Variants in GALNT18 observed in about 807,000 individuals in gnomAD.
GALNT18 encodes polypeptide N-acetylgalactosaminyltransferase 18, also known as GalNAc-transferase 18.
In GALNT18, 44 loss-of-function variants were observed where a neutral mutation model predicts 69.5. That is an observed-to-expected ratio of 0.63 (90% CI 0.50 to 0.81). The LOEUF is 0.81. Among genes scored for constraint, GALNT18 ranks in the 40% least tolerant of loss-of-function variants. The pLI, the probability that GALNT18 is intolerant of heterozygous loss-of-function variation, is 0.00. For synonymous variants in GALNT18, 364 were observed against 318.2 expected, an observed-to-expected ratio of 1.14 and a Z score of -1.53; for missense variants, 715 against 810.0, an observed-to-expected ratio of 0.88 and a Z score of 1.42.
rs778799861 is a variant in GALNT18, at chr11:11,562,858, G to T, written c.235+58501C>A. Among the ~76,000 whole-genome samples the T allele has an allele frequency of 6.6e-6, 1 of 152,032 alleles. No homozygotes were observed. Among genetic ancestry groups the T allele is most frequent in the Non-Finnish European group, 1.5e-5 (1 of 68,006 alleles). ...AAGTGGCAAAAAAGACTTGAACTGGGGTCTGCCTAGCTCGAGGCCTGGGCT... is the reference window on the plus strand; with the variant it reads ...AAGTGGCAAAAAAGACTTGAACTGGTGTCTGCCTAGCTCGAGGCCTGGGCT... On this transcript the variant is annotated intron_variant, in intron 1 of 10. Coordinates refer to ENST00000227756, the MANE Select transcript of GALNT18 (RefSeq NM_198516.3). This position sits in a 1 kb window ranked among gnomAD's most constrained non-coding sequence, Gnocchi z 4.1.
intron 3 of GALNT18, among the ~76,000 whole-genome samples, chr11:11,386,075 C>A (rs1423139925): frequency 1.3e-4 from 20 of 152,164 alleles, no homozygotes; most frequent in African/African-American, 4.3e-4. Flanking sequence ...GTCCTGCTGG[C>A]ACCTTGATTT....
At chr11:11,375,458 G>A (rs1044980740) in intron 5 of GALNT18, among the ~76,000 whole-genome samples, 7 of 152,202 alleles carry the variant, frequency 4.6e-5, no homozygotes, top group Non-Finnish European at 5.9e-5. Flanking sequence ...TCTTCTGCAG[G>A]AATGCTCATT....
rs564805687 is a variant in GALNT18 at position 11,537,879 on chromosome 11, A to G, written c.235+83480T>C. 1.4e-4 allele frequency among the ~76,000 whole-genome samples: 21 copies of G among 152,336 alleles called. No homozygotes were observed. The South Asian group carries it at 3.9e-3, about 29-fold the overall frequency. On this transcript the variant is annotated intron_variant, in intron 1 of 10. Transcript: ENST00000227756. The stretch of plus-strand genomic sequence containing the variant: ...TCTGATGGCTCTATTTGCTGTGAGA[A>G]TCTGTGCACTGTGCATCCTTGGGAA...
In GALNT18 at chr11:11,332,958, C is replaced by G; in HGVS notation, c.1279-127G>C. On this transcript the variant is annotated intron_variant, in intron 7 of 10. Transcript: ENST00000227756. The surrounding 1 kb of genome is among the most constrained non-coding windows in gnomAD (Gnocchi z 4.3). ...AGACTGGGGAAGGGACCATGTGGCA[C>G]GTTAACTCTTGCATTTTCCCACGGG... The G allele has an allele frequency of 1.0e-6, 1 of 995,124 alleles. No individual in the cohort carries two copies. Among genetic ancestry groups the G allele is most frequent in the Non-Finnish European group, 1.5e-6 (1 of 665,508 alleles). The allele number at this position is 995,124 out of a possible 1,614,324, so 61.6% of individuals were successfully genotyped here.
At chr11:11,503,521 C>T (rs1328858521) in intron 1 of GALNT18, among the ~76,000 whole-genome samples, 1 of 152,210 alleles carries the variant, frequency 6.6e-6, no homozygotes, top group African/African-American at 2.4e-5. Context: ...TCCATCCCAT[C>T]ATTTCACAAA....
At chr11:11,293,533 C>CTTTTTTTTTTTTTTTTTTTTT (rs34166465) in intron 9 of GALNT18, among the ~76,000 whole-genome samples, 1 of 80,214 alleles carries the variant, frequency 1.2e-5, no homozygotes, top group African/African-American at 5.0e-5. Flanking sequence ...ACAAACCCCT[C>CTTTTTTTTTTTTTTTTTTTTT]TTTTTTTTTT....
chr11:11,525,900 C>G (rs1457160497), intron 1 of GALNT18, among the ~76,000 whole-genome samples: 1 of 152,084 alleles, frequency 6.6e-6, no homozygotes, highest in Non-Finnish European at 1.5e-5. Flanking sequence ...TCCTAAAGTG[C>G]TGGGATTACA....
intron 9 of GALNT18, among the ~76,000 whole-genome samples, chr11:11,311,439 A>G (rs1381544697): frequency 6.6e-6 from 1 of 152,128 alleles, no homozygotes; most frequent in African/African-American, 2.4e-5. Context: ...ACCATTTTGA[A>G]TGGGGGAATG....
intron 10 of GALNT18, among the ~76,000 whole-genome samples, chr11:11,283,750 CA>C (rs1849135372): frequency 6.6e-6 from 1 of 152,036 alleles, no homozygotes; most frequent in Non-Finnish European, 1.5e-5. Context: ...TGGAAACACA[CA>C]ATACTTTTAA....
At chr11:11,294,174 G>C (rs551441694) in intron 9 of GALNT18, among the ~76,000 whole-genome samples, 1 of 152,308 alleles carries the variant, frequency 6.6e-6, no homozygotes, top group East Asian at 1.9e-4. Flanking sequence ...GACAAATCCT[G>C]GGGAAACCAG....
At chr11:11,399,780 C>G (rs1854418947) in intron 3 of GALNT18, among the ~76,000 whole-genome samples, 1 of 152,152 alleles carries the variant, frequency 6.6e-6, no homozygotes, top group South Asian at 2.1e-4. Context: ...AGAGTTAATG[C>G]AGGTAAAGCT....
At chr11:11,445,615 G>A (rs1855629860) in intron 2 of GALNT18, among the ~76,000 whole-genome samples, 1 of 152,208 alleles carries the variant, frequency 6.6e-6, no homozygotes, top group Non-Finnish European at 1.5e-5. Context: ...GCGTGCGTCT[G>A]GCACGTGAGC....
At chr11:11,385,295 C>CA (rs143360851) in intron 3 of GALNT18, among the ~76,000 whole-genome samples, 7 of 121,312 alleles carry the variant, frequency 5.8e-5, no homozygotes, top group Admixed American at 5.2e-4. Context: ...TATTGGGGAT[C>CA]AAATTTTTTT....
At position 11,318,099 on chromosome 11, in the gene GALNT18, G is replaced by T. The variant is rs1410803818; in HGVS notation, c.1512+8987C>A. Among the ~76,000 whole-genome samples the T allele has an allele frequency of 5.3e-5, 8 of 152,196 alleles. No homozygotes were observed. In the East Asian group the frequency reaches 1.5e-3, roughly 29 times the overall value. On this transcript the variant is annotated intron_variant, in intron 9 of 10. Coordinates refer to ENST00000227756, the MANE Select transcript of GALNT18 (RefSeq NM_198516.3). The surrounding 1 kb of genome is among the most constrained non-coding windows in gnomAD (Gnocchi z 5.1). Reference sequence around the variant, plus strand: ...TTGCTACCCCTCTGAGTCAGGCAGGGCCATGTTACCATGTCTGGCCAGTGA... The same window carrying T: ...TTGCTACCCCTCTGAGTCAGGCAGGTCCATGTTACCATGTCTGGCCAGTGA...
intron 10 of GALNT18, among the ~76,000 whole-genome samples, chr11:11,286,022 G>T (rs796252039): frequency 6.6e-6 from 1 of 152,032 alleles, no homozygotes; most frequent in East Asian, 1.9e-4. Flanking sequence ...GTGGCTATCC[G>T]CAACGTTCCC....
At chr11:11,419,289 A>G (rs1382476970) in intron 3 of GALNT18, among the ~76,000 whole-genome samples, 3 of 152,010 alleles carry the variant, frequency 2.0e-5, no homozygotes, top group African/African-American at 4.8e-5. Context: ...TTCTGTTTCA[A>G]TCCTTTATTA....
intron 3 of GALNT18, among the ~76,000 whole-genome samples, chr11:11,426,819 G>A (rs1855143860): frequency 1.3e-5 from 2 of 152,200 alleles, no homozygotes; most frequent in Admixed American, 6.5e-5. Context: ...AAAGGAGCAA[G>A]CTGTGCAGAT....
chr11:11,395,240 C>T (rs776365842), intron 3 of GALNT18, among the ~76,000 whole-genome samples: 3 of 152,110 alleles, frequency 2.0e-5, no homozygotes, highest in Non-Finnish European at 2.9e-5. Context: ...TGCTGCTGGC[C>T]CAAGAGAGCC....
chr11:11,390,922 T>A (rs1281837233), intron 3 of GALNT18, among the ~76,000 whole-genome samples: 1 of 152,262 alleles, frequency 6.6e-6, no homozygotes, highest in African/African-American at 2.4e-5. Flanking sequence ...CTCAGTTCTC[T>A]CTTCTACCTA....
Sources: allele counts gnomAD v4.1 joint callset (sites outside exome capture counted in the v4.1 genomes callset), GRCh38; gene constraint gnomAD v4.1.1; non-coding constraint Gnocchi (gnomAD v3.1); transcripts MANE v1.5; gene names NCBI Gene and HGNC (gene_info 2026-07-23, HGNC 2026-07-21).